EEA1: variants seen among roughly 807,000 people sequenced by gnomAD.
EEA1 encodes the protein early endosome antigen 1, 162kD.
Under a neutral mutation model 209.2 loss-of-function variants are expected in EEA1, and 111 were observed. The observed-to-expected ratio is 0.53, with a 90% CI of 0.45 to 0.62. The LOEUF is 0.62. Among genes scored for constraint, EEA1 ranks in the 20% least tolerant of loss-of-function variants. EEA1 has a pLI of 0.00. For missense variants in EEA1, 1,343 were observed against 1,530.8 expected (o/e 0.88, Z 2.05); for synonymous variants, 536 against 540.6 (o/e 0.99, Z 0.12).
chr12:92,903,044 C>G (rs946738731), intron 1 of EEA1, among the ~76,000 whole-genome samples: 9 of 151,240 alleles, frequency 6.0e-5, no homozygotes, highest in African/African-American at 2.2e-4. Context: ...ACACCATTCT[C>G]CTGCCTCAGC....
intron 1 of EEA1, among the ~76,000 whole-genome samples, chr12:92,893,752 T>C (rs537185084): frequency 2.0e-5 from 3 of 151,670 alleles, no homozygotes; most frequent in Non-Finnish European, 2.9e-5. Context: ...ATTTTGCTAC[T>C]TTTTTTTTCA....
intron 3 of EEA1, among the ~76,000 whole-genome samples, chr12:92,864,069 A>G (rs888386237): frequency 5.3e-5 from 8 of 152,212 alleles, no homozygotes; most frequent in South Asian, 2.1e-4. Context: ...AGGAAGATCC[A>G]TTCTTCCCAA....
At chr12:92,790,235 A>G (rs1333503585) in intron 21 of EEA1, among the ~76,000 whole-genome samples, 2 of 152,230 alleles carry the variant, frequency 1.3e-5, no homozygotes, top group Non-Finnish European at 2.9e-5. Flanking sequence ...CCTCCAAAAG[A>G]TCACAGCTCC....
rs772593153 is a variant in EEA1, at chr12:92,898,731, CTTTTTTTTTT to C, written c.25-7020_25-7011del. ...CTTCTTTTTTTTTTCCTTTTTTTCCCTTTTTTTTTTTTTTTTTTTTTTTTTTTTAGAGACA... is the reference window on the plus strand; with the variant it reads ...CTTCTTTTTTTTTTCCTTTTTTTCCCTTTTTTTTTTTTTTTTTTAGAGACA... On this transcript the variant is annotated intron_variant, in intron 1 of 28. Coordinates refer to ENST00000322349, the MANE Select transcript of EEA1 (RefSeq NM_003566.4). Among the ~76,000 whole-genome samples the C allele has an allele frequency of 6.6e-5, 5 of 76,116 alleles. No individual in the cohort carries two copies. In the East Asian group the frequency reaches 8.4e-4, roughly 13 times the overall value. The allele number at this position is 76,116 out of a possible 152,430, so 49.9% of individuals were successfully genotyped here. A position where few individuals can be genotyped will look rare whatever the true frequency, so the allele number is the denominator to read the frequency against.
chr12:92,872,495 C>T (rs963953795), intron 2 of EEA1, among the ~76,000 whole-genome samples: 3 of 152,254 alleles, frequency 2.0e-5, no homozygotes, highest in South Asian at 2.1e-4. Flanking sequence ...TTCTTCCCCA[C>T]ACCCATAATT....
At position 92,826,269 on chromosome 12, in the gene EEA1, G is replaced by GT; in HGVS notation, c.1420dup (p.Thr474AsnfsTer12). On this transcript the variant is annotated frameshift_variant, in exon 13 of 29. Transcript: ENST00000322349. LOFTEE classifies it high-confidence loss of function. ...TTGATGCTGCAATTCTGTAGAATTT[G>GT]TAACTTTTTCCTTCAACTTAAAAAA... The GT allele has an allele frequency of 6.2e-7, 1 of 1,611,724 alleles. No individual in the cohort carries two copies. Among genetic ancestry groups the GT allele is most frequent in the Non-Finnish European group, 8.5e-7 (1 of 1,178,400 alleles).
intron 13 of EEA1, chr12:92,821,119 G>A (rs1392426535): frequency 6.6e-6 from 1 of 151,862 alleles, no homozygotes; most frequent in Non-Finnish European, 1.5e-5. Context: ...CCAATTTCCT[G>A]GGAAATACAA....
At chr12:92,899,587 C>T (rs529641112) in intron 1 of EEA1, among the ~76,000 whole-genome samples, 1 of 152,236 alleles carries the variant, frequency 6.6e-6, no homozygotes, top group Admixed American at 6.5e-5. Flanking sequence ...ATTACACAGG[C>T]ACATTCATCC....
Position 92,775,783 on chromosome 12 carries a change from T to C in EEA1, c.*228A>G. ...CTAATTCTAAACTTGGCATGAAAGC[T>C]ATTCCAGGGGCTAAATGGGAAAAAA... On this transcript the variant is annotated 3_prime_UTR_variant, in exon 29 of 29. Coordinates refer to ENST00000322349, the MANE Select transcript of EEA1 (RefSeq NM_003566.4). The C allele has an allele frequency of 2.7e-6, 1 of 366,162 alleles. No homozygotes were observed. Among genetic ancestry groups the C allele is most frequent in the South Asian group, 1.4e-4 (1 of 7,204 alleles). 22.7% of individuals were successfully genotyped at this position (366,162 alleles called of 1,614,324 possible).
chr12:92,858,749 T>A, intron 3 of EEA1: 1 of 763,586 alleles, frequency 1.3e-6, no homozygotes, highest in South Asian at 1.3e-5. Context: ...AGGGATGCCC[T>A]AAAGGAGAAA....
rs566598488 is a variant in EEA1, at chr12:92,867,107, A to G, written c.118-2120T>C. Among the ~76,000 whole-genome samples the G allele has an allele frequency of 1.2e-3, 187 of 152,296 alleles. 2 individuals carry two copies. The highest frequency in any genetic ancestry group is 4.1e-3 in the African/African-American group (170 of 41,560). ...CAGATTCTTCAATATCCTTCAGCAA[A>G]CTTTATCATCAATATGGCATACAAG... On this transcript the variant is annotated intron_variant, in intron 2 of 28. Transcript: ENST00000322349.
At chr12:92,874,076 G>C (rs1878766584) in intron 2 of EEA1, among the ~76,000 whole-genome samples, 1 of 152,006 alleles carries the variant, frequency 6.6e-6, no homozygotes, top group South Asian at 2.1e-4. Context: ...ACTTTGGGAG[G>C]CTAAAGCAGG....
chr12:92,841,036 C>G (rs1348508514), intron 10 of EEA1, among the ~76,000 whole-genome samples: 1 of 152,188 alleles, frequency 6.6e-6, no homozygotes, highest in Non-Finnish European at 1.5e-5. Context: ...CAATGTTTCA[C>G]CAGACACCAA....
intron 3 of EEA1, chr12:92,858,082 T>C (rs887454434): frequency 1.1e-5 from 5 of 463,194 alleles, no homozygotes; most frequent in Non-Finnish European, 1.6e-5. Flanking sequence ...AACACCAACA[T>C]GAACGGGAGC....
chr12:92,800,937 A>G (rs1874881178), intron 20 of EEA1, among the ~76,000 whole-genome samples: 1 of 152,240 alleles, frequency 6.6e-6, no homozygotes, highest in South Asian at 2.1e-4. Context: ...ATACAATCAC[A>G]TCAAATACTT....
In EEA1 at chr12:92,827,962, C is replaced by T. The variant is rs1876397578; in HGVS notation, c.1354G>A (p.Glu452Lys). The change falls in exon 12 of 29, where the codon GAA (glutamate) becomes AAA (lysine). Residue 452 changes from glutamate (E) to lysine (K), a missense_variant. Around this residue, in one of 3 missense-constraint regions of EEA1, gnomAD observed 1,307 missense variants for 1,465.5 expected, o/e 0.89. Coordinates refer to ENST00000322349, the MANE Select transcript of EEA1 (RefSeq NM_003566.4). ...QLSSEKLMDK[E>K]QQVADLQLKL... ...AGTTGTAAATCAGCCACTTGTTGTT[C>T]TTTATCCATCAACTTTTCACTTGAA... The T allele has an allele frequency of 6.2e-7, 1 of 1,600,884 alleles. No homozygotes were observed. Among genetic ancestry groups the T allele is most frequent in the Non-Finnish European group, 8.5e-7 (1 of 1,174,922 alleles).
At chr12:92,817,795 T>A (rs1271363726) in intron 14 of EEA1, among the ~76,000 whole-genome samples, 1 of 152,216 alleles carries the variant, frequency 6.6e-6, no homozygotes, top group Non-Finnish European at 1.5e-5. Flanking sequence ...TTTTTGTGGT[T>A]CTACTGGATC....
intron 18 of EEA1, among the ~76,000 whole-genome samples, chr12:92,807,078 C>T (rs900307205): frequency 5.9e-5 from 9 of 151,946 alleles, no homozygotes; most frequent in Non-Finnish European, 1.0e-4. Context: ...CTCAGCCTCC[C>T]GAGTAGCTGA....
chr12:92,906,800 C>T (rs1880403372), intron 1 of EEA1, among the ~76,000 whole-genome samples: 1 of 151,936 alleles, frequency 6.6e-6, no homozygotes, highest in Non-Finnish European at 1.5e-5. Flanking sequence ...GGTGACAGAG[C>T]TAGACTCTGT....
Sources: gnomAD v4.1 joint callset for allele counts (sites outside exome capture counted in the v4.1 genomes callset) on GRCh38, gnomAD v4.1.1 for gene constraint, gnomAD v4.1.1 regional missense constraint, MANE v1.5 for transcripts, NCBI Gene and HGNC (gene_info 2026-07-23, HGNC 2026-07-21) for gene names.